ASCC1: variants seen among roughly 807,000 people sequenced by gnomAD.
The protein encoded by ASCC1 is ASC-1 complex subunit P50.
A neutral mutation model predicts 46.6 loss-of-function variants in ASCC1; 35 were observed. That is an observed-to-expected ratio of 0.75 (90% confidence interval 0.57 to 0.99). The LOEUF (loss-of-function observed/expected upper bound fraction) is 0.99. Among genes scored for constraint, ASCC1 ranks in the 50% least tolerant of loss-of-function variants. The pLI is 0.00. For synonymous variants in ASCC1, 143 were observed against 146.6 expected (o/e 0.98, Z 0.18); for missense variants, 376 against 428.7 (o/e 0.88, Z 1.09).
At chr10:72,141,218 C>T (rs1214163250) in intron 7 of ASCC1, among the ~76,000 whole-genome samples, 3 of 152,096 alleles carry the variant, frequency 2.0e-5, no homozygotes, top group Non-Finnish European at 4.4e-5. Flanking sequence ...CTGACTTATT[C>T]TTCTATTGCT....
At chr10:72,101,160 T>G in intron 9 of ASCC1, among the ~76,000 whole-genome samples, 1 of 152,314 alleles carries the variant, frequency 6.6e-6, no homozygotes, top group East Asian at 1.9e-4. Flanking sequence ...CCCAAGTGCT[T>G]ACCATCTCGT....
chr10:72,167,640 T>C (rs1474011085), intron 5 of ASCC1, among the ~76,000 whole-genome samples: 2 of 138,310 alleles, frequency 1.4e-5, no homozygotes, highest in Non-Finnish European at 3.1e-5. Flanking sequence ...GTCTATGTCT[T>C]TTTTTTTTTT....
intron 5 of ASCC1, among the ~76,000 whole-genome samples, chr10:72,168,064 G>A (rs574389527): frequency 6.6e-6 from 1 of 152,126 alleles, no homozygotes; most frequent in Non-Finnish European, 1.5e-5. Flanking sequence ...GGTGGCACGC[G>A]CCTGTAGTTC....
chr10:72,154,102 T>G (rs572673863), intron 6 of ASCC1, among the ~76,000 whole-genome samples: 5 of 152,326 alleles, frequency 3.3e-5, no homozygotes, highest in East Asian at 1.9e-4. Flanking sequence ...AGCAATTCCA[T>G]TTCCAGGAGC....
Position 72,121,302 on chromosome 10 carries a change from C to A in ASCC1, c.957+6780G>T, listed in dbSNP as rs187912945. On this transcript the variant is annotated intron_variant, in intron 9 of 9. Transcript: ENST00000672957. The stretch of plus-strand genomic sequence containing the variant: ...GGGACTACAGGCGTGCACCACCATG[C>A]CCAGCTAATTTTTTTAATTTTTTGT... 2.6e-5 allele frequency among the ~76,000 whole-genome samples: 4 copies of A among 152,090 alleles called. No homozygotes were observed. The East Asian group carries it at 7.7e-4, about 29-fold the overall frequency.
chr10:72,206,583 C>T (rs575114310), intron 3 of ASCC1, among the ~76,000 whole-genome samples: 3 of 152,184 alleles, frequency 2.0e-5, no homozygotes, highest in South Asian at 2.1e-4. Flanking sequence ...TTAAGCATAC[C>T]GGGAGAAGGA....
At chr10:72,190,942 G>A (rs1319418241) in intron 5 of ASCC1, among the ~76,000 whole-genome samples, 2 of 139,504 alleles carry the variant, frequency 1.4e-5, no homozygotes. Flanking sequence ...GTTGCCGTGA[G>A]CCAAGATCGC....
chr10:72,104,052 A>C (rs1842085381), intron 9 of ASCC1, among the ~76,000 whole-genome samples: 1 of 152,184 alleles, frequency 6.6e-6, no homozygotes, highest in Admixed American at 6.5e-5. Flanking sequence ...GGCCTCAGCC[A>C]TGAACCTAGT....
chr10:72,097,077 G>A lies in ASCC1; in HGVS notation c.*257C>T, dbSNP rs769364352. On this transcript the variant is annotated 3_prime_UTR_variant, in exon 10 of 10. Coordinates refer to ENST00000672957, the MANE Select transcript of ASCC1 (RefSeq NM_001198800.3). Reference sequence around the variant, plus strand: ...ACAGTATGTTTTATGAGTATTTTACGACAATTTAAAAATTAAAAGAAAAAA... The same window carrying A: ...ACAGTATGTTTTATGAGTATTTTACAACAATTTAAAAATTAAAAGAAAAAA... The A allele has an allele frequency of 9.8e-6, 5 of 511,700 alleles. No homozygotes were observed. Among genetic ancestry groups the A allele is most frequent in the South Asian group, 3.1e-5 (2 of 65,028 alleles). 31.7% of individuals were successfully genotyped at this position (511,700 alleles called of 1,614,324 possible).
At chr10:72,183,333 G>A (rs2133061431) in intron 5 of ASCC1, among the ~76,000 whole-genome samples, 1 of 152,264 alleles carries the variant, frequency 6.6e-6, no homozygotes, top group Middle Eastern at 3.4e-3. Context: ...GTGAGCCACT[G>A]AGCCCAGGCA....
chr10:72,200,031 C>G (rs1856272570), intron 4 of ASCC1, among the ~76,000 whole-genome samples: 1 of 152,102 alleles, frequency 6.6e-6, no homozygotes, highest in Admixed American at 6.6e-5. Flanking sequence ...CCAAGCCCAG[C>G]CTGACACACT....
At chr10:72,138,715 A>G (rs1185290930) in intron 7 of ASCC1, among the ~76,000 whole-genome samples, 2 of 149,498 alleles carry the variant, frequency 1.3e-5, no homozygotes, top group African/African-American at 2.5e-5. Context: ...GGGATTACAG[A>G]CATTCGCCAC....
intron 7 of ASCC1, among the ~76,000 whole-genome samples, chr10:72,141,088 T>TAGATAGATAC (rs1564636544): frequency 1.4e-5 from 2 of 146,428 alleles, no homozygotes; most frequent in African/African-American, 2.5e-5. Flanking sequence ...TAGATAGATA[T>TAGATAGATAC]AGATATAGAC....
intron 5 of ASCC1, 91 bp downstream of exon 5, chr10:72,196,720 T>C (rs1855482577): frequency 7.6e-7 from 1 of 1,323,290 alleles, no homozygotes; most frequent in African/African-American, 1.5e-5. Flanking sequence ...GGAAGAAGTT[T>C]ATAACTCCCT....
intron 2 of ASCC1, 115 bp from the exon 3 acceptor site, chr10:72,210,946 G>A: frequency 3.5e-6 from 3 of 853,584 alleles, no homozygotes; most frequent in Non-Finnish European, 5.7e-6. Context: ...CAGGCATAAA[G>A]AACAGCCGGA....
At chr10:72,175,180 T>C (rs75498188) in intron 5 of ASCC1, among the ~76,000 whole-genome samples, 2,141 of 152,334 alleles carry the variant, frequency 0.014, 58 homozygotes, top group African/African-American at 0.049. Context: ...ATCAGCAGCA[T>C]GACCCTAGGT....
intron 5 of ASCC1, among the ~76,000 whole-genome samples, chr10:72,173,596 T>G (rs1851503896): frequency 6.6e-6 from 1 of 152,208 alleles, no homozygotes; most frequent in Non-Finnish European, 1.5e-5. Flanking sequence ...AGTCTTTTAA[T>G]GAATGGAGAA....
intron 7 of ASCC1, among the ~76,000 whole-genome samples, chr10:72,149,062 A>T (rs1335654058): frequency 6.6e-6 from 1 of 152,162 alleles, no homozygotes; most frequent in Non-Finnish European, 1.5e-5. Context: ...TCTATTAAAG[A>T]GATTCAAAAA....
intron 5 of ASCC1, among the ~76,000 whole-genome samples, chr10:72,167,094 T>G (rs1052761725): frequency 1.3e-5 from 2 of 152,180 alleles, no homozygotes; most frequent in Non-Finnish European, 2.9e-5. Context: ...TGCAGCCATT[T>G]CACTCCTAGG....
Sources: allele counts gnomAD v4.1 joint callset (sites outside exome capture counted in the v4.1 genomes callset), GRCh38; gene constraint gnomAD v4.1.1; transcripts MANE v1.5; gene names NCBI Gene and HGNC (gene_info 2026-07-23, HGNC 2026-07-21).